SLC35F3: variants seen among roughly 807,000 people sequenced by gnomAD.
SLC35F3 encodes putative thiamine transporter SLC35F3.
In SLC35F3, 25 loss-of-function variants were observed where a neutral mutation model predicts 49.9. That is an observed-to-expected ratio of 0.50 (90% CI 0.37 to 0.70). The LOEUF (loss-of-function observed/expected upper bound fraction) is 0.70, where lower values mean the gene tolerates loss of function less well. Among genes scored for constraint, SLC35F3 ranks in the 30% least tolerant of loss-of-function variants. The probability of loss-of-function intolerance (pLI) is 0.00; values close to 1 mark genes in which losing one functional copy is unlikely to be tolerated. For missense variants in SLC35F3, 525 were observed against 639.8 expected (o/e 0.82, Z 1.94); for synonymous variants, 275 against 265.4 (o/e 1.04, Z -0.35).
In SLC35F3 at chr1:234,121,704, C is replaced by A. The variant is rs190336382; in HGVS notation, c.284-109713C>A. On this transcript the variant is annotated intron_variant, in intron 2 of 7. Coordinates refer to ENST00000366618, the MANE Select transcript of SLC35F3 (RefSeq NM_173508.4). ...CATTAAGTATATCTCCTAATGCTATCCCTCCACCATCCTCCCACCCCCTGA... is the reference window on the plus strand; with the variant it reads ...CATTAAGTATATCTCCTAATGCTATACCTCCACCATCCTCCCACCCCCTGA... Among the ~76,000 whole-genome samples, 658 of 152,178 alleles carry A rather than the reference C, an allele frequency of 4.3e-3. 6 individuals carry two copies. The highest frequency in any genetic ancestry group is 0.015 in the African/African-American group (612 of 41,528).
intron 2 of SLC35F3, among the ~76,000 whole-genome samples, chr1:233,990,071 T>C (rs1257625243): frequency 6.6e-6 from 1 of 152,154 alleles, no homozygotes; most frequent in East Asian, 1.9e-4. Flanking sequence ...AAAATAATGA[T>C]GTGTTATTCA....
At chr1:233,974,527 C>T (rs1056436750) in intron 2 of SLC35F3, among the ~76,000 whole-genome samples, 1 of 152,124 alleles carries the variant, frequency 6.6e-6, no homozygotes, top group Non-Finnish European at 1.5e-5. Flanking sequence ...ATACTGGAAA[C>T]CAAATTGTGT....
chr1:234,184,089 T>C (rs899213535), intron 2 of SLC35F3, among the ~76,000 whole-genome samples: 1 of 152,022 alleles, frequency 6.6e-6, no homozygotes, highest in Non-Finnish European at 1.5e-5. Flanking sequence ...GTTTTAAGGA[T>C]ATTGTTCTTT....
chr1:234,001,134 A>G (rs891169922), intron 2 of SLC35F3, among the ~76,000 whole-genome samples: 2 of 152,186 alleles, frequency 1.3e-5, no homozygotes, highest in African/African-American at 4.8e-5. Context: ...GATGATGCCT[A>G]TGGCTGGCCT....
chr1:234,120,830 C>T (rs1665559433), intron 2 of SLC35F3, among the ~76,000 whole-genome samples: 1 of 152,234 alleles, frequency 6.6e-6, no homozygotes, highest in Non-Finnish European at 1.5e-5. Flanking sequence ...TTCTGATCAA[C>T]TTTATTTACA....
At chr1:234,265,427 C>T (rs1007970148) in intron 3 of SLC35F3, among the ~76,000 whole-genome samples, 2 of 152,000 alleles carry the variant, frequency 1.3e-5, no homozygotes, top group African/African-American at 4.8e-5. Flanking sequence ...CCCGCCTCAC[C>T]CTCCCTGAAT....
rs1227900292 is a variant in SLC35F3, at chr1:234,046,258, A to C, written c.283+140500A>C. Among the ~76,000 whole-genome samples the C allele has an allele frequency of 1.3e-5, 2 of 152,206 alleles. No homozygotes were observed. The highest frequency in any genetic ancestry group is 4.8e-5 in the African/African-American group (2 of 41,474). On this transcript the variant is annotated intron_variant, in intron 2 of 7. Coordinates refer to ENST00000366618, the MANE Select transcript of SLC35F3 (RefSeq NM_173508.4). The surrounding 1 kb of genome is among the most constrained non-coding windows in gnomAD (Gnocchi z 4.4). The stretch of plus-strand genomic sequence containing the variant: ...ATGTGTAAGCAGTGTTTAAAGGCTC[A>C]CTATTCTATATTCTTACTAACACCT...
At chr1:234,218,373 C>T (rs1050561824) in intron 2 of SLC35F3, among the ~76,000 whole-genome samples, 1 of 152,118 alleles carries the variant, frequency 6.6e-6, no homozygotes, top group African/African-American at 2.4e-5. Context: ...AGCTGTCATG[C>T]TAGGTGAGTG....
At chr1:234,101,568 T>G (rs1174046944) in intron 2 of SLC35F3, among the ~76,000 whole-genome samples, 1 of 152,208 alleles carries the variant, frequency 6.6e-6, no homozygotes, top group Non-Finnish European at 1.5e-5. Context: ...GAGGATTAAA[T>G]AAGAAAGCAT....
intron 2 of SLC35F3, among the ~76,000 whole-genome samples, chr1:234,108,868 G>T (rs917402877): frequency 2.0e-5 from 3 of 147,802 alleles, no homozygotes; most frequent in African/African-American, 7.5e-5. Context: ...CATAGCCCAG[G>T]TATAAATCTC....
intron 2 of SLC35F3, among the ~76,000 whole-genome samples, chr1:234,068,332 A>G (rs2102866194): frequency 6.6e-6 from 1 of 152,288 alleles, no homozygotes; most frequent in Admixed American, 6.5e-5. Context: ...AAACTCCTGT[A>G]TTAAGAAAAC....
chr1:234,206,022 G>C (rs1347879496), intron 2 of SLC35F3, among the ~76,000 whole-genome samples: 3 of 152,168 alleles, frequency 2.0e-5, no homozygotes, highest in African/African-American at 4.8e-5. Flanking sequence ...GGAGAGGGAG[G>C]ACTTGCTGGT....
chr1:234,021,445 T>A (rs1329884481), intron 2 of SLC35F3, among the ~76,000 whole-genome samples: 1 of 152,186 alleles, frequency 6.6e-6, no homozygotes, highest in Non-Finnish European at 1.5e-5. Flanking sequence ...CCAATGGCCC[T>A]ACCATTTAAA....
At chr1:234,107,485 G>A (rs569571175) in intron 2 of SLC35F3, among the ~76,000 whole-genome samples, 26 of 152,250 alleles carry the variant, frequency 1.7e-4, no homozygotes, top group South Asian at 1.2e-3. Flanking sequence ...TATTACCGGG[G>A]AGTAAAGAAT....
chr1:234,303,999 A>ATCCTTCCTTCCTTCCT (rs745697175), intron 3 of SLC35F3, among the ~76,000 whole-genome samples: 15 of 125,414 alleles, frequency 1.2e-4, no homozygotes, highest in African/African-American at 2.5e-4. Context: ...TCCTAATTTT[A>ATCCTTCCTTCCTTCCT]TCCTTCCTTC....
rs78418850 is a variant in SLC35F3 at position 234,173,222 on chromosome 1, T to C, written c.284-58195T>C. Among the ~76,000 whole-genome samples, 610 of 152,310 alleles carry C rather than the reference T, an allele frequency of 4.0e-3. 7 individuals are homozygous for C. Among genetic ancestry groups the C allele is most frequent in the African/African-American group, 0.014 (572 of 41,552 alleles). ...CAGCTCCCTCGTGGAAGCTCATAAA[T>C]GATCATGATGAAAATACCAAATACT... On this transcript the variant is annotated intron_variant, in intron 2 of 7. Transcript: ENST00000366618.
chr1:233,938,337 A>G (rs1235331080), intron 2 of SLC35F3, among the ~76,000 whole-genome samples: 1 of 152,130 alleles, frequency 6.6e-6, no homozygotes, highest in Non-Finnish European at 1.5e-5. Context: ...CAGGAATCTG[A>G]TTGGCTGAAC....
intron 2 of SLC35F3, among the ~76,000 whole-genome samples, chr1:234,140,654 G>C (rs1665901422): frequency 6.6e-6 from 1 of 150,794 alleles, no homozygotes; most frequent in Non-Finnish European, 1.5e-5. Context: ...AGAAACGGCA[G>C]ACGAACACTC....
intron 4 of SLC35F3, among the ~76,000 whole-genome samples, chr1:234,314,662 T>C (rs1384748808): frequency 6.6e-6 from 1 of 152,202 alleles, no homozygotes; most frequent in African/African-American, 2.4e-5. Context: ...CTCAGGAGGC[T>C]GAGGCAGGAA....
Sources: allele counts gnomAD v4.1 joint callset (sites outside exome capture counted in the v4.1 genomes callset), GRCh38; gene constraint gnomAD v4.1.1; non-coding constraint Gnocchi (gnomAD v3.1); transcripts MANE v1.5; gene names NCBI Gene and HGNC (gene_info 2026-07-23, HGNC 2026-07-21).